Variants in PUM2 observed in about 807,000 individuals in gnomAD.
PUM2 encodes the protein pumilio RNA binding family member 2.
Under a neutral mutation model 124.5 loss-of-function variants are expected in PUM2, and 57 were observed. The ratio of observed to expected loss-of-function variants is 0.46; its 90% CI spans 0.37 to 0.57. The LOEUF is 0.57. Among genes scored for constraint, PUM2 ranks in the 20% least tolerant of loss-of-function variants. The probability of loss-of-function intolerance (pLI) is 0.00; values close to 1 mark genes in which losing one functional copy is unlikely to be tolerated. For missense variants in PUM2, 1,065 were observed against 1,290.6 expected (o/e 0.83, Z 2.68); for synonymous variants, 460 against 446.1 (o/e 1.03, Z -0.39).
At chr2:20,279,290 T>G (rs556209490) in intron 12 of PUM2, among the ~76,000 whole-genome samples, 1 of 152,312 alleles carries the variant, frequency 6.6e-6, no homozygotes, top group African/African-American at 2.4e-5. Flanking sequence ...CATATTTAAT[T>G]TGTCATCTAG....
At chr2:20,319,322 T>C (rs964835189) in intron 2 of PUM2, among the ~76,000 whole-genome samples, 1 of 152,266 alleles carries the variant, frequency 6.6e-6, no homozygotes, top group African/African-American at 2.4e-5. Flanking sequence ...ATCTCCCTAC[T>C]GTCCCTGTCG....
chr2:20,251,627 C>A lies in PUM2; in HGVS notation c.3153G>T (p.Pro1051=). 1 of 1,613,778 alleles carries A rather than the reference C, an allele frequency of 6.2e-7. No individual in the cohort carries two copies. Residue 1051 remains proline (P), a synonymous_variant, in exon 21 of 21, where the codon CCG becomes CCT. Transcript: ENST00000361078. ...GTGGTCCTCCAATAGGTCCTAGGTC[C>A]GGGCTATTCTTCAAATAATACTTTT... is the stretch of plus-strand genomic sequence containing the variant. The part of the protein sequence containing the change: ...KLEKYYLKNS[P]DLGPIGGPPN...
intron 2 of PUM2, among the ~76,000 whole-genome samples, chr2:20,324,997 A>C (rs1558649245): frequency 6.6e-6 from 1 of 151,990 alleles, no homozygotes; most frequent in Non-Finnish European, 1.5e-5. Context: ...GGCTGCTTTT[A>C]ATTTATTCCA....
intron 2 of PUM2, 50 bp downstream of exon 2, chr2:20,327,260 T>A (rs377131605): frequency 7.8e-7 from 1 of 1,289,246 alleles, no homozygotes; most frequent in Non-Finnish European, 1.1e-6. Flanking sequence ...TAAGTTACAA[T>A]GGCTCAAAAT....
intron 1 of PUM2, 144 bp downstream of exon 1, chr2:20,350,453 G>A (rs1273532194): frequency 2.0e-6 from 2 of 980,628 alleles, no homozygotes; most frequent in African/African-American, 3.5e-5. Flanking sequence ...GCGGGCCCCA[G>A]GCCGCACCGG....
chr2:20,321,546 AG>A (rs1184501401), intron 2 of PUM2, among the ~76,000 whole-genome samples: 2 of 152,192 alleles, frequency 1.3e-5, no homozygotes, highest in African/African-American at 4.8e-5. Flanking sequence ...AAATACTTTT[AG>A]GGGATCTACT....
intron 20 of PUM2, among the ~76,000 whole-genome samples, chr2:20,253,213 A>AT (rs1663889501): frequency 6.6e-6 from 1 of 152,068 alleles, no homozygotes; most frequent in Non-Finnish European, 1.5e-5. Context: ...TGAATGACTG[A>AT]TTTATTTTTT....
intron 13 of PUM2, among the ~76,000 whole-genome samples, chr2:20,265,659 T>C (rs1667477344): frequency 6.6e-6 from 1 of 152,250 alleles, no homozygotes; most frequent in South Asian, 2.1e-4. Context: ...ATCAATTGTA[T>C]TTTTCCTTTC....
chr2:20,265,202 A>G (rs1161910135), intron 13 of PUM2, among the ~76,000 whole-genome samples: 1 of 151,670 alleles, frequency 6.6e-6, no homozygotes, highest in Non-Finnish European at 1.5e-5. Flanking sequence ...CAGTGAGCAG[A>G]GATTGCACCA....
At chr2:20,349,512 A>AT (rs1170012805) in intron 1 of PUM2, among the ~76,000 whole-genome samples, 10 of 149,958 alleles carry the variant, frequency 6.7e-5, no homozygotes, top group African/African-American at 2.0e-4. Context: ...GAAAATACTC[A>AT]TTTTTGTTTT....
intron 1 of PUM2, among the ~76,000 whole-genome samples, chr2:20,349,955 T>C (rs1472890988): frequency 6.6e-6 from 1 of 152,204 alleles, no homozygotes; most frequent in Non-Finnish European, 1.5e-5. Flanking sequence ...CTTTAAACAT[T>C]TTCCCCAAAA....
chr2:20,280,101 C>T (rs1008268459), intron 12 of PUM2, among the ~76,000 whole-genome samples: 7 of 152,068 alleles, frequency 4.6e-5, no homozygotes, highest in African/African-American at 1.7e-4. Flanking sequence ...AAGGAGAGTA[C>T]ATCATGGGTA....
intron 10 of PUM2, among the ~76,000 whole-genome samples, chr2:20,290,318 T>C (rs987310391): frequency 3.9e-5 from 6 of 152,188 alleles, no homozygotes; most frequent in African/African-American, 1.4e-4. Flanking sequence ...GCAAATAGAT[T>C]GTCTTGCATA....
At chr2:20,271,651 A>G (rs1669034662) in intron 13 of PUM2, among the ~76,000 whole-genome samples, 1 of 152,116 alleles carries the variant, frequency 6.6e-6, no homozygotes, top group Non-Finnish European at 1.5e-5. Flanking sequence ...TATTTAAAAG[A>G]CCCTTAAAGT....
intron 20 of PUM2, among the ~76,000 whole-genome samples, chr2:20,252,198 A>ACT (rs1663563152): frequency 6.6e-6 from 1 of 152,238 alleles, no homozygotes; most frequent in South Asian, 2.1e-4. Context: ...ATAGGTAGAC[A>ACT]CTTAGAGGCC....
intron 2 of PUM2, among the ~76,000 whole-genome samples, chr2:20,320,972 T>C (rs993612411): frequency 1.8e-4 from 27 of 152,142 alleles, no homozygotes; most frequent in African/African-American, 6.5e-4. Context: ...ATCAAAATAA[T>C]AACAAATAAG....
intron 7 of PUM2, among the ~76,000 whole-genome samples, chr2:20,300,720 G>A (rs1676761250): frequency 6.7e-6 from 1 of 149,594 alleles, no homozygotes; most frequent in Non-Finnish European, 1.5e-5. Context: ...GTTAAGCTGG[G>A]AACTGCACTG....
At chr2:20,308,782 T>A (rs1277064830) in intron 5 of PUM2, among the ~76,000 whole-genome samples, 198 bp from the exon 6 acceptor site, 1 of 152,104 alleles carries the variant, frequency 6.6e-6, no homozygotes, top group Non-Finnish European at 1.5e-5. Context: ...TTGAGGATTT[T>A]AAAAATATTA....
At chr2:20,330,546 G>C (rs578166091) in intron 1 of PUM2, among the ~76,000 whole-genome samples, 4 of 152,214 alleles carry the variant, frequency 2.6e-5, no homozygotes, top group Non-Finnish European at 5.9e-5. Flanking sequence ...GGAGCTTACA[G>C]ATAGCTGAAC....
Sources: allele counts gnomAD v4.1 joint callset (sites outside exome capture counted in the v4.1 genomes callset), GRCh38; gene constraint gnomAD v4.1.1; transcripts MANE v1.5; gene names NCBI Gene and HGNC (gene_info 2026-07-23, HGNC 2026-07-21).